ATG10: variants seen among roughly 807,000 people sequenced by gnomAD.
The protein encoded by ATG10 is autophagy related 10.
ATG10 carries 30 observed loss-of-function variants against 32.1 expected under a neutral mutation model. The observed-to-expected ratio is 0.94, with a 90% CI of 0.70 to 1.27. ATG10 has a LOEUF of 1.27. Among genes scored for constraint, ATG10 ranks in the 50% most tolerant of loss-of-function variants. The probability of loss-of-function intolerance (pLI) is 0.00; values close to 1 mark genes in which losing one functional copy is unlikely to be tolerated. For synonymous variants in ATG10, 87 were observed against 91.5 expected (o/e 0.95, Z 0.28); for missense variants, 233 against 262.3 (o/e 0.89, Z 0.77).
At chr5:82,049,882 C>T (rs1357093476) in intron 2 of ATG10, among the ~76,000 whole-genome samples, 1 of 152,072 alleles carries the variant, frequency 6.6e-6, no homozygotes, top group East Asian at 1.9e-4. Flanking sequence ...ATCTCAGTCT[C>T]CCTAGTGAAC....
At chr5:82,035,147 G>T (rs1220853288) in intron 2 of ATG10, among the ~76,000 whole-genome samples, 3 of 152,068 alleles carry the variant, frequency 2.0e-5, no homozygotes, top group Non-Finnish European at 4.4e-5. Flanking sequence ...CCTGACCTCA[G>T]GTAATCCGCC....
intron 3 of ATG10, among the ~76,000 whole-genome samples, chr5:82,121,472 C>G (rs1373298445): frequency 6.6e-6 from 1 of 152,146 alleles, no homozygotes; most frequent in Non-Finnish European, 1.5e-5. Context: ...TGCCTGATTG[C>G]TCTGGCTATG....
intron 3 of ATG10, among the ~76,000 whole-genome samples, chr5:82,162,513 A>G (rs1407476477): frequency 6.6e-6 from 1 of 152,180 alleles, no homozygotes; most frequent in Admixed American, 6.5e-5. Context: ...AAATGCTCAT[A>G]TCCTTTGATA....
intron 3 of ATG10, among the ~76,000 whole-genome samples, chr5:82,120,929 T>G (rs557230806): frequency 6.6e-6 from 1 of 152,280 alleles, no homozygotes; most frequent in Admixed American, 6.5e-5. Flanking sequence ...AGATACACAT[T>G]TATTACGTTG....
intron 3 of ATG10, among the ~76,000 whole-genome samples, chr5:82,090,921 A>G (rs1764861499): frequency 6.6e-6 from 1 of 152,198 alleles, no homozygotes; most frequent in African/African-American, 2.4e-5. Context: ...GTGCTTTTTA[A>G]TATAATTAGG....
chr5:82,231,110 T>A (rs1746353656), intron 5 of ATG10, among the ~76,000 whole-genome samples: 2 of 152,228 alleles, frequency 1.3e-5, no homozygotes, highest in Non-Finnish European at 2.9e-5. Context: ...AACCTTTAAA[T>A]CAAGGTTCAT....
chr5:81,974,569 A>C (rs145420968), intron 1 of ATG10, among the ~76,000 whole-genome samples: 1 of 152,242 alleles, frequency 6.6e-6, no homozygotes, highest in African/African-American at 2.4e-5. Context: ...CCTATTGCCA[A>C]TTGTTTTAAA....
intron 3 of ATG10, among the ~76,000 whole-genome samples, chr5:82,142,065 T>C (rs1767174487): frequency 6.6e-6 from 1 of 152,218 alleles, no homozygotes; most frequent in South Asian, 2.1e-4. Flanking sequence ...GTGCATATTC[T>C]GGATTATATA....
chr5:82,141,233 TA>T (rs372244370), intron 3 of ATG10, among the ~76,000 whole-genome samples: 9,001 of 140,938 alleles, frequency 0.064, 522 homozygotes, highest in African/African-American at 0.17. Flanking sequence ...AAAAATAAAT[TA>T]AAAAAAAAAA....
intron 2 of ATG10, among the ~76,000 whole-genome samples, chr5:81,991,134 T>G (rs908167393): frequency 7.2e-5 from 11 of 152,324 alleles, no homozygotes; most frequent in African/African-American, 2.6e-4. Flanking sequence ...TTTGGGCATA[T>G]TAGTATTTTT....
At chr5:82,008,471 GAACA>G (rs1336101190) in intron 2 of ATG10, among the ~76,000 whole-genome samples, 3 of 152,088 alleles carry the variant, frequency 2.0e-5, no homozygotes, top group African/African-American at 7.2e-5. Flanking sequence ...ATTTCAAGAA[GAACA>G]GGTTGTATCA....
At chr5:82,056,996 A>G (rs1245885521) in intron 2 of ATG10, among the ~76,000 whole-genome samples, 1 of 152,058 alleles carries the variant, frequency 6.6e-6, no homozygotes, top group Non-Finnish European at 1.5e-5. Flanking sequence ...TAAAACAGTA[A>G]TTCCATCTAC....
intron 4 of ATG10, among the ~76,000 whole-genome samples, chr5:82,173,687 T>C (rs1743892388): frequency 1.3e-5 from 2 of 152,186 alleles, no homozygotes; most frequent in Admixed American, 6.5e-5. Flanking sequence ...ATGTGACTAA[T>C]GAAATTTCTA....
At chr5:82,020,092 C>A (rs1028830016) in intron 2 of ATG10, among the ~76,000 whole-genome samples, 1 of 152,168 alleles carries the variant, frequency 6.6e-6, no homozygotes, top group Admixed American at 6.5e-5. Context: ...ATATTGACAA[C>A]CAGGGAGTGT....
chr5:82,034,829 C>G (rs1345343442), intron 2 of ATG10, among the ~76,000 whole-genome samples: 1 of 152,168 alleles, frequency 6.6e-6, no homozygotes, highest in Admixed American at 6.5e-5. Context: ...TGAGATCACA[C>G]CTGCCCACCC....
At chr5:82,143,471 T>A (rs995078142) in intron 3 of ATG10, among the ~76,000 whole-genome samples, 3 of 152,362 alleles carry the variant, frequency 2.0e-5, no homozygotes, top group African/African-American at 7.2e-5. Context: ...GCCAGATTGC[T>A]CTGTGCAGTG....
chr5:82,070,499 A>G (rs778603726), intron 3 of ATG10, among the ~76,000 whole-genome samples: 7 of 152,162 alleles, frequency 4.6e-5, no homozygotes, highest in Non-Finnish European at 8.8e-5. Context: ...CAATTATCTT[A>G]AACTCTGAAA....
chr5:82,039,329 TAAG>T (rs1362735180), intron 2 of ATG10, among the ~76,000 whole-genome samples: 3 of 152,198 alleles, frequency 2.0e-5, no homozygotes, highest in Admixed American at 6.5e-5. Flanking sequence ...AGCAGGGAAT[TAAG>T]AAGAGAGAAG....
intron 2 of ATG10, among the ~76,000 whole-genome samples, chr5:81,994,387 G>A (rs1285624656): frequency 6.6e-6 from 1 of 152,088 alleles, no homozygotes; most frequent in Admixed American, 6.6e-5. Flanking sequence ...ACTTTTATCA[G>A]CACTAGAAAA....
Sources: gnomAD v4.1 joint callset for allele counts (sites outside exome capture counted in the v4.1 genomes callset) on GRCh38, gnomAD v4.1.1 for gene constraint, MANE v1.5 for transcripts, NCBI Gene and HGNC (gene_info 2026-07-23, HGNC 2026-07-21) for gene names.